The following ERCC4 variants were observed in gnomAD, a reference collection of about 807,000 sequenced individuals.
ERCC4 encodes DNA repair endonuclease XPF.
In ERCC4, 65 loss-of-function variants were observed where a neutral mutation model predicts 76.9. The ratio of observed to expected loss-of-function variants is 0.84; its 90% CI spans 0.69 to 1.04. The LOEUF (loss-of-function observed/expected upper bound fraction) is 1.04. Ranked by LOEUF, ERCC4 falls within the 50% of genes least tolerant of loss-of-function variation. The pLI, the probability that ERCC4 is intolerant of heterozygous loss-of-function variation, is 0.00. For missense variants in ERCC4, 1,214 were observed against 1,128.2 expected (o/e 1.08, Z -1.09); for synonymous variants, 463 against 410.1 (o/e 1.13, Z -1.56).
In ERCC4 at chr16:13,951,910, A is replaced by T. The variant is rs2032635493; in HGVS notation, c.*3563A>T. 4.6e-6 allele frequency: 1 copy of T among 215,844 alleles called. No individual in the cohort carries two copies. Among genetic ancestry groups the T allele is most frequent in the Non-Finnish European group, 9.3e-6 (1 of 107,300 alleles). The allele number at this position is 215,844 out of a possible 1,614,324, so 13.4% of individuals were successfully genotyped here. A position where few individuals can be genotyped will look rare whatever the true frequency, so the allele number is the denominator to read the frequency against. On this transcript the variant is annotated 3_prime_UTR_variant, in exon 11 of 11. Transcript: ENST00000311895. ...ATTTTAGGAAAGTTCTTTTTTCAGG[A>T]TGGAGTATATTAAAATTAAGCCAGG...
intron 3 of ERCC4, among the ~76,000 whole-genome samples, chr16:13,926,977 T>C (rs1044904211): frequency 2.0e-5 from 3 of 152,236 alleles, no homozygotes; most frequent in African/African-American, 7.2e-5. Context: ...ATGGTTGCTT[T>C]TCTGCTGGTC....
Position 13,951,930 on chromosome 16 carries a change from G to A in ERCC4, c.*3583G>A, listed in dbSNP as rs1022481063. ...TCAGGATGGAGTATATTAAAATTAA[G>A]CCAGGCTTTGACGTGAATTATCACT... On this transcript the variant is annotated 3_prime_UTR_variant, in exon 11 of 11. Coordinates refer to ENST00000311895, the MANE Select transcript of ERCC4 (RefSeq NM_005236.3). 1.4e-5 allele frequency: 3 copies of A among 214,572 alleles called. No individual in the cohort carries two copies. In the Admixed American group the frequency reaches 1.8e-4, roughly 13 times the overall value. 13.3% of individuals were successfully genotyped at this position (214,572 alleles called of 1,614,324 possible).
Position 13,928,210 on chromosome 16 carries a change from A to C in ERCC4, c.767A>C (p.Asn256Thr), listed in dbSNP as rs2032106872. ...GAAGTGGAAGATTTATCTTTAGAAA[A>C]TGCTATTGGAAAACCTTTTGACAAG... ...SLEVEDLSLE[N>T]AIGKPFDKTI... is the part of the protein sequence containing the mutation. Residue 256 changes from asparagine (N) to threonine (T), a missense_variant, in exon 4 of 11, where the codon AAT becomes ACT. Physicochemically the swap from Asn to Thr is moderately conservative, Grantham distance 65. Transcript: ENST00000311895. 6.2e-7 allele frequency: 1 copy of C among 1,613,174 alleles called. No individual in the cohort carries two copies. Among genetic ancestry groups the C allele is most frequent in the Non-Finnish European group, 8.5e-7 (1 of 1,179,362 alleles).
In ERCC4 at chr16:13,937,800, G is replaced by T; in HGVS notation, c.1846G>T (p.Glu616Ter). 6.2e-7 allele frequency: 1 copy of T among 1,613,666 alleles called. No homozygotes were observed. Among genetic ancestry groups the T allele is most frequent in the Non-Finnish European group, 8.5e-7 (1 of 1,179,590 alleles). Residue 616 changes from glutamate to a stop codon, truncating the protein, a stop_gained, in exon 9 of 11, where the codon GAA (glutamate) becomes TAA (stop). Coordinates refer to ENST00000311895, the MANE Select transcript of ERCC4 (RefSeq NM_005236.3). LOFTEE classifies it high-confidence loss of function. ...YFLIYGGSTEEQRYLTALRKE... is the reference protein window; with the variant it reads ...YFLIYGGSTE Reference sequence around the variant, plus strand: ...TCTTATATACGGAGGTTCAACTGAGGAACAACGCTATCTCACTGCTTTGCG... The same window carrying T: ...TCTTATATACGGAGGTTCAACTGAGTAACAACGCTATCTCACTGCTTTGCG...
intron 9 of ERCC4, 98 bp from the exon 10 acceptor site, chr16:13,944,625 T>C: frequency 1.2e-6 from 1 of 809,010 alleles, no homozygotes; most frequent in African/African-American, 1.7e-5. Context: ...CTTACTGCTA[T>C]CATCATGTAG....
At chr16:13,921,972 G>C in intron 1 of ERCC4, 59 bp from the exon 2 acceptor site, 1 of 1,004,040 alleles carries the variant, frequency 1.0e-6, no homozygotes, top group South Asian at 1.3e-5. Flanking sequence ...AAATATCTGT[G>C]ACCTATTAAA....
chr16:13,950,860 C>T lies in ERCC4; in HGVS notation c.*2513C>T, dbSNP rs11075223. Reference sequence around the variant, plus strand: ...TCTTCCTAAAGCTACCATTTTCAACCGTCCTTGTTATCTAGTACAACATAA... The same window carrying T: ...TCTTCCTAAAGCTACCATTTTCAACTGTCCTTGTTATCTAGTACAACATAA... On this transcript the variant is annotated 3_prime_UTR_variant, in exon 11 of 11. Transcript: ENST00000311895. 1.5e-5 allele frequency: 3 copies of T among 197,316 alleles called. No homozygotes were observed. Among genetic ancestry groups the T allele is most frequent in the East Asian group, 1.6e-4 (2 of 12,690 alleles). The allele number at this position is 197,316 out of a possible 1,614,324, so 12.2% of individuals were successfully genotyped here.
At chr16:13,939,479 C>A (rs1477159609) in intron 9 of ERCC4, among the ~76,000 whole-genome samples, 16 of 152,080 alleles carry the variant, frequency 1.1e-4, no homozygotes, top group Non-Finnish European at 4.4e-5. Context: ...TCACCCAGAC[C>A]ACAAGCTGAT....
chr16:13,943,758 T>G (rs2032460353), intron 9 of ERCC4, among the ~76,000 whole-genome samples: 1 of 151,126 alleles, frequency 6.6e-6, no homozygotes. Flanking sequence ...CATGTTTGCT[T>G]TGTTCCCTCG....
At chr16:13,938,867 C>A (rs972192771) in intron 9 of ERCC4, among the ~76,000 whole-genome samples, 1 of 152,194 alleles carries the variant, frequency 6.6e-6, no homozygotes, top group Non-Finnish European at 1.5e-5. Context: ...GAGAAGAATT[C>A]TTGGAAATGG....
At chr16:13,943,689 C>A (rs1194498004) in intron 9 of ERCC4, among the ~76,000 whole-genome samples, 1 of 152,028 alleles carries the variant, frequency 6.6e-6, no homozygotes, top group Non-Finnish European at 1.5e-5. Flanking sequence ...CTTCTGTTCC[C>A]CTCACCTTAG....
intron 4 of ERCC4, among the ~76,000 whole-genome samples, chr16:13,929,931 T>G (rs1836959656): frequency 1.3e-5 from 2 of 152,178 alleles, no homozygotes; most frequent in African/African-American, 4.8e-5. Flanking sequence ...GCCACTGCAC[T>G]CGAGCCTGGC....
Position 13,948,545 on chromosome 16 carries a change from T to G in ERCC4, c.*198T>G. The G allele has an allele frequency of 1.6e-6, 1 of 628,168 alleles. No individual in the cohort carries two copies. The highest frequency in any genetic ancestry group is 2.8e-6 in the Non-Finnish European group (1 of 360,112). 38.9% of individuals were successfully genotyped at this position (628,168 alleles called of 1,614,324 possible). A position where few individuals can be genotyped will look rare whatever the true frequency, so the allele number is the denominator to read the frequency against. On this transcript the variant is annotated 3_prime_UTR_variant, in exon 11 of 11. Coordinates refer to ENST00000311895, the MANE Select transcript of ERCC4 (RefSeq NM_005236.3). ...ACTTGAACTTGCCTGTGCCTGCTCTTTTTCCTCCCTGCACCGTCTATGCCG... is the reference window on the plus strand; with the variant it reads ...ACTTGAACTTGCCTGTGCCTGCTCTGTTTCCTCCCTGCACCGTCTATGCCG...
At chr16:13,946,104 T>G (rs2032507996) in intron 10 of ERCC4, among the ~76,000 whole-genome samples, 2 of 152,316 alleles carry the variant, frequency 1.3e-5, no homozygotes, top group South Asian at 4.1e-4. Context: ...TTATAGCCCC[T>G]TCCTCCATCT....
intron 4 of ERCC4, among the ~76,000 whole-genome samples, chr16:13,930,383 T>G (rs1485712981): frequency 6.6e-6 from 1 of 152,114 alleles, no homozygotes; most frequent in Non-Finnish European, 1.5e-5. Flanking sequence ...TTATCTGATG[T>G]TTATAAGGTC....
At chr16:13,947,384 A>C (rs933905903) in intron 10 of ERCC4, among the ~76,000 whole-genome samples, 1 of 152,228 alleles carries the variant, frequency 6.6e-6, no homozygotes, top group Non-Finnish European at 1.5e-5. Context: ...ATCGCAAGTA[A>C]GGAACTACTG....
In ERCC4 at chr16:13,947,765, C is replaced by T. The variant is rs2020959; in HGVS notation, c.2169C>T (p.Cys723=). 6.8e-6 allele frequency: 11 copies of T among 1,614,220 alleles called. No homozygotes were observed. The highest frequency in any genetic ancestry group is 3.3e-5 in the Admixed American group (2 of 60,024). Residue 723 remains cysteine (C), a synonymous_variant, in exon 11 of 11, where the codon TGC becomes TGT. Transcript: ENST00000311895. ...ATTACATCCTCACTCCAGAAATGTG[C>T]GTGGAGCGCAAGAGTATCAGTGATT... The part of the protein sequence containing the change: ...VGDYILTPEM[C]VERKSISDLI...
intron 4 of ERCC4, 73 bp downstream of exon 4, chr16:13,928,308 A>T: frequency 9.4e-7 from 1 of 1,067,084 alleles, no homozygotes; most frequent in Non-Finnish European, 1.4e-6. Flanking sequence ...TAATATTTGC[A>T]ATGTTGTTAA....
chr16:13,921,956 T>A, intron 1 of ERCC4, 75 bp from the exon 2 acceptor site: 1 of 881,914 alleles, frequency 1.1e-6, no homozygotes, highest in Non-Finnish European at 1.9e-6. Context: ...GACAGCACAT[T>A]ATTTTAAATA....
Sources: allele counts gnomAD v4.1 joint callset (sites outside exome capture counted in the v4.1 genomes callset), GRCh38; gene constraint gnomAD v4.1.1; transcripts MANE v1.5; gene names NCBI Gene and HGNC (gene_info 2026-07-23, HGNC 2026-07-21).